DOCK7: variants seen among roughly 807,000 people sequenced by gnomAD.
DOCK7 encodes the protein dedicator of cytokinesis 7.
Under a neutral mutation model 271.0 loss-of-function variants are expected in DOCK7, and 138 were observed. The ratio of observed to expected loss-of-function variants is 0.51; its 90% CI spans 0.44 to 0.59. The LOEUF is 0.59. Ranked by LOEUF, DOCK7 falls within the 20% of genes least tolerant of loss-of-function variation. The pLI is 0.00. For missense variants in DOCK7, 2,066 were observed against 2,592.4 expected (o/e 0.80, Z 4.41); for synonymous variants, 823 against 876.1 (o/e 0.94, Z 1.07).
chr1:62,461,582 G>A (rs953250290), intron 48 of DOCK7, among the ~76,000 whole-genome samples: 1 of 151,208 alleles, frequency 6.6e-6, no homozygotes, highest in South Asian at 2.1e-4. Context: ...CAGGAGGATC[G>A]CTTGAATCCA....
At chr1:62,509,340 T>G (rs1308880922) in intron 34 of DOCK7, among the ~76,000 whole-genome samples, 1 of 145,318 alleles carries the variant, frequency 6.9e-6, no homozygotes, top group Non-Finnish European at 1.5e-5. Context: ...AGAATACAAT[T>G]ATCAAAATTA....
intron 9 of DOCK7, 62 bp downstream of exon 9, chr1:62,634,711 A>C: frequency 2.0e-6 from 3 of 1,499,176 alleles, no homozygotes; most frequent in Non-Finnish European, 2.7e-6. Context: ...AAAGTTTATA[A>C]TACTGACAGA....
chr1:62,577,420 A>T, intron 17 of DOCK7, 57 bp from the exon 18 acceptor site: 2 of 1,336,488 alleles, frequency 1.5e-6, no homozygotes, highest in Non-Finnish European at 2.0e-6. Flanking sequence ...AAAAATAATT[A>T]CTTAGCATGT....
At chr1:62,557,717 A>G (rs1308317560) in intron 20 of DOCK7, among the ~76,000 whole-genome samples, 2 of 151,022 alleles carry the variant, frequency 1.3e-5, no homozygotes, top group Non-Finnish European at 2.9e-5. Flanking sequence ...ATGCTATGCA[A>G]GTGTTTGCAA....
At chr1:62,661,327 T>C (rs1289269880) in intron 2 of DOCK7, among the ~76,000 whole-genome samples, 3 of 152,018 alleles carry the variant, frequency 2.0e-5, no homozygotes, top group Non-Finnish European at 2.9e-5. Flanking sequence ...TATGGGATAA[T>C]GAAAAAGTTC....
At chr1:62,530,443 T>C (rs553407845) in intron 29 of DOCK7, among the ~76,000 whole-genome samples, 81 of 152,344 alleles carry the variant, frequency 5.3e-4, no homozygotes, top group African/African-American at 1.9e-3. Context: ...CAAATATGCC[T>C]TTCCTATCTT....
At position 62,475,452 on chromosome 1, in the gene DOCK7, T is replaced by C. The variant is rs191652042; in HGVS notation, c.5962-101A>G. ...AATTAGAAAAAAAAAAGATCAATTG[T>C]AAACTTTCATGTAACAATAAAATTC... is the stretch of plus-strand genomic sequence containing the variant. On this transcript the variant is annotated intron_variant, in intron 46 of 49. Transcript: ENST00000635253. The C allele has an allele frequency of 1.6e-5, 22 of 1,360,614 alleles. No homozygotes were observed. In the African/African-American group the frequency reaches 2.2e-4, roughly 14 times the overall value. The allele number at this position is 1,360,614 out of a possible 1,614,324, so 84.3% of individuals were successfully genotyped here. A position where few individuals can be genotyped will look rare whatever the true frequency, so the allele number is the denominator to read the frequency against.
chr1:62,646,339 G>A (rs1245388889), intron 7 of DOCK7, among the ~76,000 whole-genome samples: 1 of 152,132 alleles, frequency 6.6e-6, no homozygotes, highest in Non-Finnish European at 1.5e-5. Context: ...AGGTGCTGAG[G>A]AAAAGAGAGA....
chr1:62,597,699 A>G (rs1032082501), intron 14 of DOCK7: 1 of 1,613,448 alleles, frequency 6.2e-7, no homozygotes, highest in African/African-American at 1.3e-5. Flanking sequence ...CGATGTAAAA[A>G]TTTTAGCCAA....
intron 34 of DOCK7, among the ~76,000 whole-genome samples, chr1:62,509,434 A>G (rs895317005): frequency 6.6e-6 from 1 of 152,160 alleles, no homozygotes; most frequent in African/African-American, 2.4e-5. Flanking sequence ...TTAAACAAAA[A>G]GAATCAGGAG....
intron 48 of DOCK7, among the ~76,000 whole-genome samples, chr1:62,470,389 T>C (rs928996700): frequency 2.0e-5 from 3 of 152,116 alleles, no homozygotes; most frequent in Admixed American, 1.3e-4. Flanking sequence ...GGTGTAACAA[T>C]GATACAATGG....
At chr1:62,458,969 T>G (rs1283186021) in intron 48 of DOCK7, 1 of 152,220 alleles carries the variant, frequency 6.6e-6, no homozygotes, top group Non-Finnish European at 1.5e-5. Flanking sequence ...GGAATGCCAC[T>G]AAAGTGATGC....
intron 2 of DOCK7, among the ~76,000 whole-genome samples, chr1:62,655,564 A>G (rs920377066): frequency 2.0e-5 from 3 of 151,824 alleles, no homozygotes; most frequent in Non-Finnish European, 4.4e-5. Context: ...AGCTGGGATT[A>G]CAGGCGTGAG....
chr1:62,661,659 A>C (rs754164821), intron 2 of DOCK7, among the ~76,000 whole-genome samples: 16 of 152,160 alleles, frequency 1.1e-4, no homozygotes, highest in Non-Finnish European at 2.4e-4. Context: ...TGACTAATTC[A>C]ATGGGTTCAT....
At chr1:62,484,685 A>C (rs1646241548) in intron 43 of DOCK7, 1 of 152,190 alleles carries the variant, frequency 6.6e-6, no homozygotes, top group African/African-American at 2.4e-5. Context: ...AGATGGTCTC[A>C]CTATGTTGTC....
chr1:62,541,514 T>C (rs75656204), intron 25 of DOCK7, among the ~76,000 whole-genome samples: 2 of 152,158 alleles, frequency 1.3e-5, no homozygotes, highest in African/African-American at 4.8e-5. Context: ...GTGAAGACAA[T>C]GAGGATGGAG....
Position 62,556,049 on chromosome 1 carries a change from C to T in DOCK7, c.2432-60G>A, listed in dbSNP as rs997430527. The T allele has an allele frequency of 6.2e-5, 95 of 1,523,304 alleles. No homozygotes were observed. In the East Asian group the frequency reaches 1.2e-3, roughly 19 times the overall value. The allele number at this position is 1,523,304 out of a possible 1,614,324, so 94.4% of individuals were successfully genotyped here. A position where few individuals can be genotyped will look rare whatever the true frequency, so the allele number is the denominator to read the frequency against. On this transcript the variant is annotated intron_variant, in intron 20 of 49. Transcript: ENST00000635253. Reference sequence around the variant, plus strand: ...AACTTTTTTTAGACTGTAAATTCCACGAAGATCAACATTTTGTCATCTTTG... The same window carrying T: ...AACTTTTTTTAGACTGTAAATTCCATGAAGATCAACATTTTGTCATCTTTG...
chr1:62,561,605 A>G lies in DOCK7; in HGVS notation c.2199+12T>C. 2.7e-6 allele frequency: 4 copies of G among 1,500,210 alleles called. No homozygotes were observed. Among genetic ancestry groups the G allele is most frequent in the Non-Finnish European group, 3.6e-6 (4 of 1,125,408 alleles). 92.9% of individuals were successfully genotyped at this position (1,500,210 alleles called of 1,614,324 possible). On this transcript the variant is annotated intron_variant, in intron 19 of 49. Coordinates refer to ENST00000635253, the MANE Select transcript of DOCK7 (RefSeq NM_001367561.1). The stretch of plus-strand genomic sequence containing the variant: ...TAAGTGAAATTTGATAATAAAAATT[A>G]TTAAAACTCACTTGTGTATGGATAG...
intron 18 of DOCK7, among the ~76,000 whole-genome samples, chr1:62,566,917 T>C (rs938900293): frequency 2.0e-5 from 3 of 152,246 alleles, no homozygotes; most frequent in East Asian, 1.9e-4. Context: ...AAAGAAGACA[T>C]TTATGCAGCC....
Sources: gnomAD v4.1 joint callset for allele counts (sites outside exome capture counted in the v4.1 genomes callset) on GRCh38, gnomAD v4.1.1 for gene constraint, MANE v1.5 for transcripts, NCBI Gene and HGNC (gene_info 2026-07-23, HGNC 2026-07-21) for gene names.